SLC35G5: variants seen among roughly 807,000 people sequenced by gnomAD.
SLC35G5 encodes acyl-malonyl condensing enzyme 1-like 2.
In SLC35G5, 14 loss-of-function variants were observed where a neutral mutation model predicts 17.6. That is an observed-to-expected ratio of 0.79 (90% CI 0.52 to 1.24). The LOEUF (loss-of-function observed/expected upper bound fraction) is 1.24. SLC35G5 is among the 50% of genes most tolerant of loss of function. The pLI is 0.00. For missense variants in SLC35G5, 541 were observed against 430.3 expected (o/e 1.26, Z -2.28); for synonymous variants, 236 against 194.9 (o/e 1.21, Z -1.76).
Position 11,332,042 on chromosome 8 carries a change from G to A in SLC35G5, c.936G>A (p.Gly312=), listed in dbSNP as rs1361034844. The A allele has an allele frequency of 1.2e-6, 2 of 1,611,942 alleles. No individual in the cohort carries two copies. The highest frequency in any genetic ancestry group is 1.3e-5 in the African/African-American group (1 of 74,956). ...CTGTGGCACTTTCTGACATCATGGG[G>A]GCAGGGGTTGTGCTGGGCAGCATTG... ...HETVALSDIM[G]AGVVLGSIAI... Residue 312 remains glycine, a synonymous_variant, in exon 1 of 1, where the codon GGG becomes GGA. Coordinates refer to ENST00000382435, the MANE Select transcript of SLC35G5 (RefSeq NM_054028.2).
chr8:11,331,947 C>G lies in SLC35G5; in HGVS notation c.841C>G (p.Leu281Val), dbSNP rs772107882. The change falls in exon 1 of 1, where the codon CTG becomes GTG. Residue 281 changes from leucine (L) to valine (V), a missense_variant. Physicochemically the swap from Leu to Val is conservative, Grantham distance 32 (BLOSUM62 1). Transcript: ENST00000382435. The stretch of plus-strand genomic sequence containing the variant: ...TGCGGTCACCAAGGCCCACCCTGCC[C>G]TGGTGTGCGCTGTCCTGCATTCCGA... Reference protein sequence around the residue: ...GYAVTKAHPALVCAVLHSEVV... With the variant: ...GYAVTKAHPAVVCAVLHSEVV... 2.5e-6 allele frequency: 4 copies of G among 1,612,012 alleles called. No homozygotes were observed. The highest frequency in any genetic ancestry group is 1.1e-5 in the South Asian group (1 of 90,986).
chr8:11,332,215 TATA>T lies in SLC35G5; in HGVS notation c.*97_*99del, dbSNP rs2117503104. On this transcript the variant is annotated 3_prime_UTR_variant, in exon 1 of 1. Transcript: ENST00000382435. ...AAAAAAATAAAAGAAAAAAAATAAT[TATA>T]ATAAATCCTAGGAAAGAGTGAAAGT... The T allele has an allele frequency of 6.7e-7, 1 of 1,494,742 alleles. No homozygotes were observed. The highest frequency in any genetic ancestry group is 1.3e-5 in the South Asian group (1 of 74,408). The allele number at this position is 1,494,742 out of a possible 1,614,324, so 92.6% of individuals were successfully genotyped here.
At position 11,331,510 on chromosome 8, in the gene SLC35G5, A is replaced by T; in HGVS notation, c.404A>T (p.Lys135Ile). 1 of 1,613,304 alleles carries T rather than the reference A, an allele frequency of 6.2e-7. No homozygotes were observed. Reference protein sequence around the residue: ...VPAGNAATVRKGSSTVCSAVL... With the variant: ...VPAGNAATVRIGSSTVCSAVL... ...GCTGGCAACGCTGCCACTGTTCGCA[A>T]AGGTTCTTCCACCGTATGCTCCGCT... is the stretch of plus-strand genomic sequence containing the variant. Residue 135 changes from lysine to isoleucine, a missense_variant, in exon 1 of 1, where the codon AAA becomes ATA. Coordinates refer to ENST00000382435, the MANE Select transcript of SLC35G5 (RefSeq NM_054028.2).
chr8:11,331,098 C>A lies in SLC35G5; in HGVS notation c.-9C>A. On this transcript the variant is annotated 5_prime_UTR_variant, in exon 1 of 1. Coordinates refer to ENST00000382435, the MANE Select transcript of SLC35G5 (RefSeq NM_054028.2). ...TGAGCCAGGAGGAGAGGAGAAAGTC[C>A]AAGGAAAGATGGCTGGCAGTCACCC... 6.3e-7 allele frequency: 1 copy of A among 1,583,664 alleles called. No individual in the cohort carries two copies. The highest frequency in any genetic ancestry group is 8.6e-7 in the Non-Finnish European group (1 of 1,165,798).
rs1365138820 is a variant in SLC35G5 at position 11,332,176 on chromosome 8, A to T, written c.*53A>T. ...GAGGGACAGGGATAAATAAAGACAA[A>T]GACTGAAGACAAAAAAAAAATAAAA... On this transcript the variant is annotated 3_prime_UTR_variant, in exon 1 of 1. Transcript: ENST00000382435. 6.4e-7 allele frequency: 1 copy of T among 1,574,086 alleles called. No individual in the cohort carries two copies. The highest frequency in any genetic ancestry group is 1.4e-5 in the African/African-American group (1 of 72,362).
Position 11,332,077 on chromosome 8 carries a change from C to G in SLC35G5, c.971C>G (p.Thr324Arg). 6.2e-7 allele frequency: 1 copy of G among 1,611,744 alleles called. No individual in the cohort carries two copies. The highest frequency in any genetic ancestry group is 8.5e-7 in the Non-Finnish European group (1 of 1,179,818). ...GVVLGSIAII[T>R]ARNLSCERTG... The stretch of plus-strand genomic sequence containing the variant: ...GTGCTGGGCAGCATTGCCATCATTA[C>G]AGCCCGGAACCTCAGCTGTGAGAGG... Residue 324 changes from threonine (T) to arginine (R), a missense_variant, in exon 1 of 1, where the codon ACA becomes AGA. Thr to Arg is a moderately conservative substitution (Grantham distance 71, BLOSUM62 -1). Coordinates refer to ENST00000382435, the MANE Select transcript of SLC35G5 (RefSeq NM_054028.2).
rs74495029 is a variant in SLC35G5, at chr8:11,332,024, A to C, written c.918A>C (p.Ala306=). The C allele has an allele frequency of 0.05, 79,967 of 1,611,180 alleles. 4,132 individuals carry two copies. The highest frequency in any genetic ancestry group is 0.28 in the Admixed American group (16,448 of 59,680). Residue 306 remains alanine (A), a synonymous_variant, in exon 1 of 1, where the codon GCA becomes GCC. Coordinates refer to ENST00000382435, the MANE Select transcript of SLC35G5 (RefSeq NM_054028.2). ...LQYYMLHETV[A]LSDIMGAGVV... ...ATTATATGCTCCATGAGACTGTGGC[A>C]CTTTCTGACATCATGGGGGCAGGGG... is the stretch of plus-strand genomic sequence containing the variant.
In SLC35G5 at chr8:11,331,876, G is replaced by T. The variant is rs756504769; in HGVS notation, c.770G>T (p.Gly257Val). 1 of 1,612,038 alleles carries T rather than the reference G, an allele frequency of 6.2e-7. No individual in the cohort carries two copies. The highest frequency in any genetic ancestry group is 1.7e-5 in the Admixed American group (1 of 60,020). The change falls in exon 1 of 1, where the codon GGG becomes GTG. Residue 257 changes from glycine (G) to valine (V), a missense_variant. Transcript: ENST00000382435. Reference protein sequence around the residue: ...PSDLLSWSCVGAEGILALVSF... With the variant: ...PSDLLSWSCVVAEGILALVSF... ...GACCTCCTGAGTTGGAGTTGTGTGG[G>T]GGCAGAGGGGATCCTCGCCTTGGTC...
chr8:11,331,343 C>A lies in SLC35G5; in HGVS notation c.237C>A (p.Phe79Leu). Residue 79 changes from phenylalanine to leucine, a missense_variant, in exon 1 of 1, where the codon TTC becomes TTA. Coordinates refer to ENST00000382435, the MANE Select transcript of SLC35G5 (RefSeq NM_054028.2). ...AGCTGCTCATCTGTCGATGCCTCTT[C>A]CACCTCCCTATTGCCCTGCTACTTA... is the stretch of plus-strand genomic sequence containing the variant. ...SLELLICRCL[F>L]HLPIALLLKL... 1 of 1,613,990 alleles carries A rather than the reference C, an allele frequency of 6.2e-7. No individual in the cohort carries two copies. The highest frequency in any genetic ancestry group is 8.5e-7 in the Non-Finnish European group (1 of 1,179,866).
rs1489730626 is a variant in SLC35G5, at chr8:11,332,192, A to G, written c.*69A>G. On this transcript the variant is annotated 3_prime_UTR_variant, in exon 1 of 1. Transcript: ENST00000382435. ...TAAAGACAAAGACTGAAGACAAAAAAAAAATAAAAGAAAAAAAATAATTAT... is the reference window on the plus strand; with the variant it reads ...TAAAGACAAAGACTGAAGACAAAAAGAAAATAAAAGAAAAAAAATAATTAT... 4.6e-6 allele frequency: 7 copies of G among 1,536,308 alleles called. No homozygotes were observed. The highest frequency in any genetic ancestry group is 5.2e-6 in the Non-Finnish European group (6 of 1,150,318).
At position 11,331,569 on chromosome 8, in the gene SLC35G5, G is replaced by T. The variant is rs774691176; in HGVS notation, c.463G>T (p.Gly155Cys). ...LTLCLESQGL[G>C]GYEWCGLLGS... ...CCTCTGCCTTGAGAGCCAGGGTCTC[G>T]GTGGCTACGAGTGGTGTGGACTGTT... Residue 155 changes from glycine (G) to cysteine (C), a missense_variant, in exon 1 of 1, where the codon GGT becomes TGT. Coordinates refer to ENST00000382435, the MANE Select transcript of SLC35G5 (RefSeq NM_054028.2). 1.2e-6 allele frequency: 2 copies of T among 1,613,830 alleles called. No homozygotes were observed. Among genetic ancestry groups the T allele is most frequent in the South Asian group, 2.2e-5 (2 of 91,050 alleles).
rs371834397 is a variant in SLC35G5, at chr8:11,331,417, C to T, written c.311C>T (p.Ala104Val). ...GGACCTCCTGACATCCGAGGCTGGGCCTGCTTCTGTGCCCTGCTCAACGTC... is the reference window on the plus strand; with the variant it reads ...GGACCTCCTGACATCCGAGGCTGGGTCTGCTTCTGTGCCCTGCTCAACGTC... ...LLGPPDIRGW[A>V]CFCALLNVLS... The change falls in exon 1 of 1, where the codon GCC becomes GTC. Residue 104 changes from alanine to valine, a missense_variant. Ala to Val is a moderately conservative substitution (Grantham distance 64). Transcript: ENST00000382435. 3.7e-6 allele frequency: 6 copies of T among 1,613,846 alleles called. No homozygotes were observed. The African/African-American group carries it at 6.7e-5, about 18-fold the overall frequency.
chr8:11,332,047 G>T lies in SLC35G5; in HGVS notation c.941G>T (p.Gly314Val), dbSNP rs1400389715. 3 of 1,611,928 alleles carry T rather than the reference G, an allele frequency of 1.9e-6. No individual in the cohort carries two copies. In the East Asian group the frequency reaches 6.7e-5, roughly 36 times the overall value. Residue 314 changes from glycine to valine, a missense_variant, in exon 1 of 1, where the codon GGG becomes GTG. Gly to Val is a moderately radical substitution (Grantham distance 109, BLOSUM62 -3). Coordinates refer to ENST00000382435, the MANE Select transcript of SLC35G5 (RefSeq NM_054028.2). ...TVALSDIMGA[G>V]VVLGSIAIIT... ...GCACTTTCTGACATCATGGGGGCAGGGGTTGTGCTGGGCAGCATTGCCATC... is the reference window on the plus strand; with the variant it reads ...GCACTTTCTGACATCATGGGGGCAGTGGTTGTGCTGGGCAGCATTGCCATC...
rs560493610 is a variant in SLC35G5 at position 11,332,029 on chromosome 8, C to G, written c.923C>G (p.Ser308Cys). 1.6e-5 allele frequency: 26 copies of G among 1,611,758 alleles called. No homozygotes were observed. The highest frequency in any genetic ancestry group is 2.0e-5 in the Non-Finnish European group (24 of 1,179,824). Residue 308 changes from serine to cysteine, a missense_variant, in exon 1 of 1, where the codon TCT (serine) becomes TGT (cysteine). Ser to Cys is a moderately radical substitution (Grantham distance 112). Coordinates refer to ENST00000382435, the MANE Select transcript of SLC35G5 (RefSeq NM_054028.2). ...YYMLHETVAL[S>C]DIMGAGVVLG... Reference sequence around the variant, plus strand: ...ATGCTCCATGAGACTGTGGCACTTTCTGACATCATGGGGGCAGGGGTTGTG... The same window carrying G: ...ATGCTCCATGAGACTGTGGCACTTTGTGACATCATGGGGGCAGGGGTTGTG...
Position 11,332,186 on chromosome 8 carries a change from CAAAAA to C in SLC35G5, c.*69_*73del. On this transcript the variant is annotated 3_prime_UTR_variant, in exon 1 of 1. Coordinates refer to ENST00000382435, the MANE Select transcript of SLC35G5 (RefSeq NM_054028.2). Reference sequence around the variant, plus strand: ...GATAAATAAAGACAAAGACTGAAGACAAAAAAAAAATAAAAGAAAAAAAATAATTA... The same window carrying C: ...GATAAATAAAGACAAAGACTGAAGACAAAAATAAAAGAAAAAAAATAATTA... 2 of 1,292,014 alleles carry C rather than the reference CAAAAA, an allele frequency of 1.5e-6. No individual in the cohort carries two copies. The highest frequency in any genetic ancestry group is 2.1e-6 in the Non-Finnish European group (2 of 973,980). The allele number at this position is 1,292,014 out of a possible 1,614,324, so 80.0% of individuals were successfully genotyped here.
In SLC35G5 at chr8:11,331,884, G is replaced by C. The variant is rs1159327057; in HGVS notation, c.778G>C (p.Gly260Arg). Residue 260 changes from glycine to arginine, a missense_variant, in exon 1 of 1, where the codon GGG becomes CGG. Physicochemically the swap from Gly to Arg is moderately radical, Grantham distance 125 (BLOSUM62 -2). Coordinates refer to ENST00000382435, the MANE Select transcript of SLC35G5 (RefSeq NM_054028.2). Reference sequence around the variant, plus strand: ...GAGTTGGAGTTGTGTGGGGGCAGAGGGGATCCTCGCCTTGGTCTCCTTCAC... The same window carrying C: ...GAGTTGGAGTTGTGTGGGGGCAGAGCGGATCCTCGCCTTGGTCTCCTTCAC... ...LLSWSCVGAE[G>R]ILALVSFTCV... 5.6e-6 allele frequency: 9 copies of C among 1,612,042 alleles called. No homozygotes were observed. The highest frequency in any genetic ancestry group is 7.6e-6 in the Non-Finnish European group (9 of 1,179,866).
In SLC35G5 at chr8:11,331,130, C is replaced by T; in HGVS notation, c.24C>T (p.Phe8=). 1 of 1,604,842 alleles carries T rather than the reference C, an allele frequency of 6.2e-7. No individual in the cohort carries two copies. Among genetic ancestry groups the T allele is most frequent in the Non-Finnish European group, 8.5e-7 (1 of 1,175,240 alleles). MAGSHPY[F]NLPDSTHPSP... is the part of the protein sequence containing the mutation. ...AGATGGCTGGCAGTCACCCCTACTTCAACCTGCCTGACTCCACACACCCAT... is the reference window on the plus strand; with the variant it reads ...AGATGGCTGGCAGTCACCCCTACTTTAACCTGCCTGACTCCACACACCCAT... The change falls in exon 1 of 1, where the codon TTC becomes TTT. Residue 8 remains phenylalanine (F), a synonymous_variant. Coordinates refer to ENST00000382435, the MANE Select transcript of SLC35G5 (RefSeq NM_054028.2).
Position 11,331,178 on chromosome 8 carries a change from C to T in SLC35G5, c.72C>T (p.Ser24=), listed in dbSNP as rs1430160974. 5 of 1,613,576 alleles carry T rather than the reference C, an allele frequency of 3.1e-6. No individual in the cohort carries two copies. Among genetic ancestry groups the T allele is most frequent in the Admixed American group, 1.7e-5 (1 of 59,954 alleles). Residue 24 remains serine, a synonymous_variant, in exon 1 of 1, where the codon AGC becomes AGT. Transcript: ENST00000382435. Reference sequence around the variant, plus strand: ...CATCGCCGCCCTCCGCTCCACCCAGCCTCCGCTGGCACCAGCGCTGCCAGC... The same window carrying T: ...CATCGCCGCCCTCCGCTCCACCCAGTCTCCGCTGGCACCAGCGCTGCCAGC... ...THPSPPSAPP[S]LRWHQRCQPS...
At position 11,331,432 on chromosome 8, in the gene SLC35G5, T is replaced by G; in HGVS notation, c.326T>G (p.Leu109Arg). The part of the protein sequence containing the change: ...DIRGWACFCA[L>R]LNVLSIGCAY... Reference sequence around the variant, plus strand: ...CGAGGCTGGGCCTGCTTCTGTGCCCTGCTCAACGTCCTCAGCATTGGATGT... The same window carrying G: ...CGAGGCTGGGCCTGCTTCTGTGCCCGGCTCAACGTCCTCAGCATTGGATGT... The change falls in exon 1 of 1, where the codon CTG (leucine) becomes CGG (arginine). Residue 109 changes from leucine (L) to arginine (R), a missense_variant. Physicochemically the swap from Leu to Arg is moderately radical, Grantham distance 102 (BLOSUM62 -2). Coordinates refer to ENST00000382435, the MANE Select transcript of SLC35G5 (RefSeq NM_054028.2). 1 of 1,614,036 alleles carries G rather than the reference T, an allele frequency of 6.2e-7. No individual in the cohort carries two copies.
Sources: allele counts gnomAD v4.1 joint callset, GRCh38; gene constraint gnomAD v4.1.1; transcripts MANE v1.5; gene names NCBI Gene and HGNC (gene_info 2026-07-23, HGNC 2026-07-21).